ADCY8: variants seen among roughly 807,000 people sequenced by gnomAD.
ADCY8 encodes adenylate cyclase 8, also known as adenylate cyclase type 8.
ADCY8 carries 51 observed loss-of-function variants against 119.7 expected under a neutral mutation model. That is an observed-to-expected ratio of 0.43 (90% CI 0.34 to 0.54). The LOEUF is 0.54. Among genes scored for constraint, ADCY8 ranks in the 20% least tolerant of loss-of-function variants. The pLI, the probability that ADCY8 is intolerant of heterozygous loss-of-function variation, is 0.03. For synonymous variants in ADCY8, 665 were observed against 651.0 expected (o/e 1.02, Z -0.33); for missense variants, 1,383 against 1,598.8 (o/e 0.87, Z 2.30).
intron 15 of ADCY8, among the ~76,000 whole-genome samples, chr8:130,788,749 T>G (rs1056736974): frequency 1.3e-5 from 2 of 152,170 alleles, no homozygotes; most frequent in Non-Finnish European, 2.9e-5. Flanking sequence ...CTCTATAATA[T>G]GTATAATTAT....
chr8:130,910,822 C>T (rs932748016), intron 5 of ADCY8, among the ~76,000 whole-genome samples: 6 of 152,108 alleles, frequency 3.9e-5, no homozygotes, highest in African/African-American at 7.2e-5. Flanking sequence ...TAGTCATGAG[C>T]GTTCTTTCTT....
chr8:131,001,180 T>C (rs949429543), intron 1 of ADCY8, among the ~76,000 whole-genome samples: 3 of 152,064 alleles, frequency 2.0e-5, no homozygotes, highest in Non-Finnish European at 2.9e-5. Context: ...GGAGCGGTGA[T>C]TACCACCTGG....
At chr8:131,011,111 G>T (rs1823286985) in intron 1 of ADCY8, among the ~76,000 whole-genome samples, 1 of 151,876 alleles carries the variant, frequency 6.6e-6, no homozygotes, top group African/African-American at 2.4e-5. Flanking sequence ...ATCTAGGATA[G>T]ACGCATGCAG....
chr8:130,969,738 T>C (rs1821867150), intron 2 of ADCY8, among the ~76,000 whole-genome samples: 1 of 152,172 alleles, frequency 6.6e-6, no homozygotes, highest in South Asian at 2.1e-4. Flanking sequence ...ACCCTTCTTA[T>C]GTATGTAATG....
intron 16 of ADCY8, 61 bp downstream of exon 16, chr8:130,785,322 G>T: frequency 1.7e-6 from 2 of 1,186,428 alleles, no homozygotes; most frequent in Non-Finnish European, 2.4e-6. Flanking sequence ...CACCACCGTC[G>T]GTGACATGAC....
intron 7 of ADCY8, among the ~76,000 whole-genome samples, chr8:130,901,990 A>G (rs925176482): frequency 3.3e-5 from 5 of 152,196 alleles, no homozygotes; most frequent in Admixed American, 1.3e-4. Context: ...AACCACATCA[A>G]TCAACTATAG....
At chr8:131,024,694 G>T (rs548433664) in intron 1 of ADCY8, among the ~76,000 whole-genome samples, 6 of 152,158 alleles carry the variant, frequency 3.9e-5, no homozygotes, top group Non-Finnish European at 7.3e-5. Flanking sequence ...TAGTCCGTTC[G>T]AAACAAATTC....
At chr8:130,847,392 A>T (rs553089765) in intron 11 of ADCY8, 32 bp downstream of exon 11, 1 of 1,511,408 alleles carries the variant, frequency 6.6e-7, no homozygotes, top group Non-Finnish European at 9.2e-7. Context: ...TCTATGTCCA[A>T]CTCTCACCAA....
chr8:130,927,765 G>C (rs1820516088), intron 5 of ADCY8, among the ~76,000 whole-genome samples: 1 of 151,726 alleles, frequency 6.6e-6, no homozygotes. Flanking sequence ...AATTTAACTT[G>C]TTCCTTTCCA....
chr8:130,854,244 T>G (rs1563694124), intron 9 of ADCY8, among the ~76,000 whole-genome samples: 1 of 152,244 alleles, frequency 6.6e-6, no homozygotes. Context: ...GCATTGTTGG[T>G]GCACATAAGA....
chr8:130,919,245 T>G (rs1200626608), intron 5 of ADCY8, among the ~76,000 whole-genome samples: 1 of 152,160 alleles, frequency 6.6e-6, no homozygotes, highest in African/African-American at 2.4e-5. Context: ...CAGGCTCATG[T>G]GGAGAGTGTG....
intron 1 of ADCY8, among the ~76,000 whole-genome samples, chr8:130,992,843 T>C (rs1822643749): frequency 1.3e-5 from 2 of 152,178 alleles, no homozygotes; most frequent in Admixed American, 1.3e-4. Context: ...AACTAATTTG[T>C]TTAAAGATAT....
chr8:130,792,640 G>A (rs1815459244), intron 15 of ADCY8, among the ~76,000 whole-genome samples: 2 of 152,178 alleles, frequency 1.3e-5, no homozygotes, highest in African/African-American at 4.8e-5. Context: ...TATCTTTAAA[G>A]ACATTCAGGT....
Position 130,883,820 on chromosome 8 carries a change from G to T in ADCY8, c.2109+744C>A, listed in dbSNP as rs7008162. ...TCTCCAGTTCAAAGCTGAGGTGGGG[G>T]AGGGGAATGGAAAAAGTCATCATTA... On this transcript the variant is annotated intron_variant, in intron 8 of 17. Coordinates refer to ENST00000286355, the MANE Select transcript of ADCY8 (RefSeq NM_001115.3). Among the ~76,000 whole-genome samples, 225 of 152,236 alleles carry T rather than the reference G, an allele frequency of 1.5e-3. 1 individual carries two copies. Among genetic ancestry groups the T allele is most frequent in the South Asian group, 3.3e-3 (16 of 4,828 alleles).
intron 1 of ADCY8, among the ~76,000 whole-genome samples, chr8:131,021,406 A>T (rs2130796093): frequency 1.3e-5 from 2 of 152,240 alleles, no homozygotes; most frequent in Middle Eastern, 6.8e-3. Flanking sequence ...GGTGGGTGAA[A>T]AAAATGTGGG....
At chr8:130,966,308 A>G (rs187789777) in intron 2 of ADCY8, among the ~76,000 whole-genome samples, 1 of 152,246 alleles carries the variant, frequency 6.6e-6, no homozygotes, top group East Asian at 1.9e-4. Context: ...CAGTCTTAAC[A>G]TGTCTGAATA....
chr8:130,844,421 AT>A (rs1482675994), intron 11 of ADCY8, among the ~76,000 whole-genome samples: 4 of 152,106 alleles, frequency 2.6e-5, no homozygotes, highest in Admixed American at 2.6e-4. Flanking sequence ...TAAAAGCCTC[AT>A]TTTTTGTATT....
intron 4 of ADCY8, among the ~76,000 whole-genome samples, chr8:130,938,267 G>A (rs1277450196): frequency 2.0e-5 from 3 of 152,168 alleles, no homozygotes; most frequent in East Asian, 3.9e-4. Flanking sequence ...TGAGGGTTAA[G>A]TGAGATGGTG....
At chr8:130,780,994 G>T in intron 17 of ADCY8, 117 bp from the exon 18 acceptor site, 1 of 1,372,208 alleles carries the variant, frequency 7.3e-7, no homozygotes, top group Non-Finnish European at 1.0e-6. Context: ...TGAACGGGAG[G>T]GTCCAGATCC....
Sources: allele counts gnomAD v4.1 joint callset (sites outside exome capture counted in the v4.1 genomes callset), GRCh38; gene constraint gnomAD v4.1.1; transcripts MANE v1.5; gene names NCBI Gene and HGNC (gene_info 2026-07-23, HGNC 2026-07-21).